The following KCNMB1 variants were observed in gnomAD, a reference collection of about 807,000 sequenced individuals.
The protein encoded by KCNMB1 is calcium-activated potassium channel subunit beta-1.
A neutral mutation model predicts 21.7 loss-of-function variants in KCNMB1; 22 were observed. The observed-to-expected ratio is 1.01, with a 90% CI of 0.72 to 1.45. KCNMB1 has a LOEUF of 1.45. KCNMB1 is among the 40% of genes most tolerant of loss of function. The pLI, the probability that KCNMB1 is intolerant of heterozygous loss-of-function variation, is 0.00. For missense variants in KCNMB1, 243 were observed against 243.4 expected, an observed-to-expected ratio of 1.00 and a Z score of 0.01; for synonymous variants, 114 against 107.6, an observed-to-expected ratio of 1.06 and a Z score of -0.37.
chr5:170,377,798 T>G lies in KCNMB1; in HGVS notation c.*906A>C, dbSNP rs1764068767. 1 of 152,192 alleles carries G rather than the reference T, an allele frequency of 6.6e-6. No individual in the cohort carries two copies. The highest frequency in any genetic ancestry group is 6.5e-5 in the Admixed American group (1 of 15,276). The allele number at this position is 152,192 out of a possible 1,614,324, so 9.4% of individuals were successfully genotyped here. ...CATGTTAGCCAGGATGGTCTTGATC[T>G]CCTGACCTCGTGATCCACCAGCCTC... On this transcript the variant is annotated 3_prime_UTR_variant, in exon 4 of 4. Transcript: ENST00000274629.
chr5:170,378,967 A>G lies in KCNMB1; in HGVS notation c.313T>C (p.Tyr105His). 6.2e-7 allele frequency: 1 copy of G among 1,613,922 alleles called. No individual in the cohort carries two copies. The highest frequency in any genetic ancestry group is 1.7e-4 in the Middle Eastern group (1 of 6,060). The stretch of plus-strand genomic sequence containing the variant: ...TAATTGTCCACGCTGCCTGGGATGT[A>G]GGAGCACTGTGGGGAGAAACAAGAG... ...DTRDQNQQCS[Y>H]IPGSVDNYQT... The change falls in exon 4 of 4, where the codon TAC (tyrosine) becomes CAC (histidine). Residue 105 changes from tyrosine to histidine, a missense_variant. Coordinates refer to ENST00000274629, the MANE Select transcript of KCNMB1 (RefSeq NM_004137.4).
intron 3 of KCNMB1, among the ~76,000 whole-genome samples, chr5:170,379,291 C>G (rs910125384): frequency 6.6e-6 from 1 of 152,118 alleles, no homozygotes; most frequent in South Asian, 2.1e-4. Context: ...TTTCTGAGCC[C>G]TGAAGCTTCA....
chr5:170,384,650 G>A (rs1764391325), intron 2 of KCNMB1, among the ~76,000 whole-genome samples: 1 of 152,246 alleles, frequency 6.6e-6, no homozygotes, highest in Admixed American at 6.5e-5. Flanking sequence ...GCACAGGTCT[G>A]AGACTTATCC....
In KCNMB1 at chr5:170,378,728, C is replaced by A. The variant is rs757101702; in HGVS notation, c.552G>T (p.Leu184=). 2 of 1,613,282 alleles carry A rather than the reference C, an allele frequency of 1.2e-6. No homozygotes were observed. Among genetic ancestry groups the A allele is most frequent in the Non-Finnish European group, 8.5e-7 (1 of 1,179,682 alleles). The change falls in exon 4 of 4, where the codon CTG becomes CTT. Residue 184 remains leucine, a synonymous_variant. Coordinates refer to ENST00000274629, the MANE Select transcript of KCNMB1 (RefSeq NM_004137.4). ...TCTACTTCTGGGCCGCCAGGATGGA[C>A]AGGTACTGGTTGCTCTTCACCATGG... ...IIAMVKSNQY[L]SILAAQK
At chr5:170,385,081 C>T (rs759670760) in intron 2 of KCNMB1, among the ~76,000 whole-genome samples, 3 of 152,166 alleles carry the variant, frequency 2.0e-5, no homozygotes, top group South Asian at 2.1e-4. Context: ...GTTACCACCA[C>T]GTCCTAGATC....
intron 3 of KCNMB1, among the ~76,000 whole-genome samples, chr5:170,381,339 G>A (rs1224212532): frequency 6.6e-6 from 1 of 152,208 alleles, no homozygotes; most frequent in Non-Finnish European, 1.5e-5. Flanking sequence ...ACAGACAATG[G>A]GAGGGAATTT....
chr5:170,388,098 G>T (rs887045634), intron 1 of KCNMB1, among the ~76,000 whole-genome samples: 5 of 152,234 alleles, frequency 3.3e-5, no homozygotes, highest in Admixed American at 6.5e-5. Context: ...CACTCCTGAG[G>T]CTGGTGAAGG....
intron 1 of KCNMB1, among the ~76,000 whole-genome samples, chr5:170,386,633 C>T (rs1764484896): frequency 6.6e-6 from 1 of 151,442 alleles, no homozygotes; most frequent in Admixed American, 6.6e-5. Flanking sequence ...AGGAGGGCCC[C>T]AGAAGGCAGC....
At chr5:170,387,708 T>G (rs1022269736) in intron 1 of KCNMB1, among the ~76,000 whole-genome samples, 1 of 152,208 alleles carries the variant, frequency 6.6e-6, no homozygotes, top group Non-Finnish European at 1.5e-5. Context: ...TGTGATCTTG[T>G]GGGAATGGGA....
At chr5:170,387,647 AAG>A (rs1362189356) in intron 1 of KCNMB1, among the ~76,000 whole-genome samples, 1 of 152,178 alleles carries the variant, frequency 6.6e-6, no homozygotes, top group Non-Finnish European at 1.5e-5. Flanking sequence ...GCCCCCGACA[AAG>A]AGAGATGTTT....
In KCNMB1 at chr5:170,378,625, T is replaced by C. The variant is rs2656841; in HGVS notation, c.*79A>G. 7.0e-7 allele frequency: 1 copy of C among 1,428,694 alleles called. No individual in the cohort carries two copies. The highest frequency in any genetic ancestry group is 1.4e-5 in the African/African-American group (1 of 69,806). 88.5% of individuals were successfully genotyped at this position (1,428,694 alleles called of 1,614,324 possible). ...GGGAGGGCAGGTGGAGAAGGCATTG[T>C]GCTGCAAGTGGGGAGCAGCCCTGGG... On this transcript the variant is annotated 3_prime_UTR_variant, in exon 4 of 4. Transcript: ENST00000274629.
rs1764049311 is a variant in KCNMB1, at chr5:170,377,417, G to C, written c.*1287C>G. ...GTTCTAGGAAAACTTCCTGGAGTGG[G>C]AATGGTAAAGGTGATGGCTTCTTCC... On this transcript the variant is annotated 3_prime_UTR_variant, in exon 4 of 4. Coordinates refer to ENST00000274629, the MANE Select transcript of KCNMB1 (RefSeq NM_004137.4). The C allele has an allele frequency of 6.6e-6, 1 of 152,164 alleles. No homozygotes were observed. The highest frequency in any genetic ancestry group is 2.4e-5 in the African/African-American group (1 of 41,438). 9.4% of individuals were successfully genotyped at this position (152,164 alleles called of 1,614,324 possible).
chr5:170,375,403 G>A lies in KCNMB1; in HGVS notation c.*3301C>T, dbSNP rs1581121898. 1 of 152,398 alleles carries A rather than the reference G, an allele frequency of 6.6e-6. No individual in the cohort carries two copies. Among genetic ancestry groups the A allele is most frequent in the Middle Eastern group, 3.4e-3 (1 of 294 alleles). The allele number at this position is 152,398 out of a possible 1,614,324, so 9.4% of individuals were successfully genotyped here. On this transcript the variant is annotated 3_prime_UTR_variant, in exon 4 of 4. Transcript: ENST00000274629. ...CCACAGGGATACCTCTGGGCTCCCT[G>A]GCTGGAATTGGCAGATGCTGGTGCA...
chr5:170,378,065 A>C lies in KCNMB1; in HGVS notation c.*639T>G, dbSNP rs1319505792. On this transcript the variant is annotated 3_prime_UTR_variant, in exon 4 of 4. Coordinates refer to ENST00000274629, the MANE Select transcript of KCNMB1 (RefSeq NM_004137.4). Reference sequence around the variant, plus strand: ...CTTCCTATAATCAAAAATTTAGAAAAGCAGCAAAAATAAAAAGGGGATAAG... The same window carrying C: ...CTTCCTATAATCAAAAATTTAGAAACGCAGCAAAAATAAAAAGGGGATAAG... The C allele has an allele frequency of 2.0e-5, 3 of 152,234 alleles. No homozygotes were observed. The highest frequency in any genetic ancestry group is 7.2e-5 in the African/African-American group (3 of 41,452). The allele number at this position is 152,234 out of a possible 1,614,324, so 9.4% of individuals were successfully genotyped here.
In KCNMB1 at chr5:170,383,802, C is replaced by G. The variant is rs1339847221; in HGVS notation, c.183G>C (p.Arg61Ser). 6.2e-7 allele frequency: 1 copy of G among 1,614,120 alleles called. No homozygotes were observed. Among genetic ancestry groups the G allele is most frequent in the Non-Finnish European group, 8.5e-7 (1 of 1,180,018 alleles). Residue 61 changes from arginine (R) to serine (S), a missense_variant, in exon 3 of 4, where the codon AGG (arginine) becomes AGC (serine). Coordinates refer to ENST00000274629, the MANE Select transcript of KCNMB1 (RefSeq NM_004137.4). ...SKCHLIETNIRDQEELKGKKV... is the reference protein window; with the variant it reads ...SKCHLIETNISDQEELKGKKV... ...TCTTGCCCTTCAGCTCCTCCTGGTC[C>G]CTGATGTTGGTCTCAATCAGGTGGC...
At chr5:170,385,222 A>G in intron 2 of KCNMB1, 92 bp downstream of exon 2, 2 of 1,388,720 alleles carry the variant, frequency 1.4e-6, no homozygotes, top group Non-Finnish European at 2.0e-6. Flanking sequence ...ATGAGGGTCA[A>G]GGAGAGGGGT....
rs1258407300 is a variant in KCNMB1, at chr5:170,378,667, T to C, written c.*37A>G. On this transcript the variant is annotated 3_prime_UTR_variant, in exon 4 of 4. Transcript: ENST00000274629. The stretch of plus-strand genomic sequence containing the variant: ...AGCCCTGGGGGCCCAGCCAGTCCCC[T>C]GTGCCCTGACAAGTGGTATGGCATG... The C allele has an allele frequency of 3.2e-6, 5 of 1,565,648 alleles. No homozygotes were observed. The highest frequency in any genetic ancestry group is 1.4e-5 in the African/African-American group (1 of 73,464).
At chr5:170,383,991 T>C in intron 2 of KCNMB1, 141 bp from the exon 3 acceptor site, 1 of 790,104 alleles carries the variant, frequency 1.3e-6, no homozygotes. Flanking sequence ...CATCCAGCAA[T>C]AAAGGCACAT....
At chr5:170,386,335 C>T (rs925778399) in intron 1 of KCNMB1, among the ~76,000 whole-genome samples, 1 of 152,122 alleles carries the variant, frequency 6.6e-6, no homozygotes, top group Non-Finnish European at 1.5e-5. Flanking sequence ...CAGAAGCTGG[C>T]GGGGGCAAGG....
Sources: gnomAD v4.1 joint callset for allele counts (sites outside exome capture counted in the v4.1 genomes callset) on GRCh38, gnomAD v4.1.1 for gene constraint, MANE v1.5 for transcripts, NCBI Gene and HGNC (gene_info 2026-07-23, HGNC 2026-07-21) for gene names.